Variants in CNTN4 observed in about 807,000 individuals in gnomAD.
The protein encoded by CNTN4 is contactin 4, also known as contactin-4.
In CNTN4, 77 loss-of-function variants were observed where a neutral mutation model predicts 122.5. The observed-to-expected ratio is 0.63, with a 90% CI of 0.52 to 0.76. CNTN4 has a LOEUF of 0.76. CNTN4 is among the 30% of genes least tolerant of loss of function. CNTN4 has a pLI of 0.00. For synonymous variants in CNTN4, 512 were observed against 447.0 expected (o/e 1.15, Z -1.83); for missense variants, 1,256 against 1,259.1 (o/e 1.00, Z 0.04).
At chr3:2,835,717 A>G (rs1002164845) in intron 7 of CNTN4, among the ~76,000 whole-genome samples, 6 of 152,182 alleles carry the variant, frequency 3.9e-5, no homozygotes, top group African/African-American at 1.4e-4. Context: ...AAAAGTGAAA[A>G]AAATGAGAAC....
chr3:2,333,494 A>G (rs1357471904), intron 2 of CNTN4, among the ~76,000 whole-genome samples: 2 of 152,210 alleles, frequency 1.3e-5, no homozygotes, highest in African/African-American at 2.4e-5. Context: ...AGAGATAATC[A>G]TATTCTAGTG....
intron 6 of CNTN4, among the ~76,000 whole-genome samples, chr3:2,815,568 C>G (rs563230659): frequency 2.6e-5 from 4 of 152,104 alleles, no homozygotes; most frequent in Admixed American, 2.6e-4. Flanking sequence ...CAAGAATGGC[C>G]ATAATCAAAA....
At chr3:2,174,196 C>T (rs547536849) in intron 2 of CNTN4, among the ~76,000 whole-genome samples, 73 of 152,100 alleles carry the variant, frequency 4.8e-4, no homozygotes, top group African/African-American at 1.7e-3. Context: ...CTGTCTTTTC[C>T]GTGGAAAAGA....
intron 4 of CNTN4, among the ~76,000 whole-genome samples, chr3:2,575,308 TC>T (rs1219913710): frequency 6.6e-6 from 1 of 151,946 alleles, no homozygotes; most frequent in Non-Finnish European, 1.5e-5. Flanking sequence ...GGCCAGGAGT[TC>T]AACAGCAGTG....
At chr3:3,014,554 T>C (rs1483131481) in intron 14 of CNTN4, among the ~76,000 whole-genome samples, 2 of 152,070 alleles carry the variant, frequency 1.3e-5, no homozygotes, top group Non-Finnish European at 2.9e-5. Context: ...CTAAAAATTC[T>C]TTTCTGGCTC....
chr3:2,782,929 A>T (rs1186463979), intron 6 of CNTN4, among the ~76,000 whole-genome samples: 2 of 152,102 alleles, frequency 1.3e-5, no homozygotes, highest in Admixed American at 6.5e-5. Context: ...CCTGATCCAT[A>T]AATTTACTTA....
chr3:2,910,854 G>C (rs190103056), intron 12 of CNTN4, among the ~76,000 whole-genome samples: 1 of 152,074 alleles, frequency 6.6e-6, no homozygotes, highest in African/African-American at 2.4e-5. Flanking sequence ...GGAAGCCCCA[G>C]ACCCTTTTTC....
At chr3:2,464,868 A>G (rs1180382667) in intron 3 of CNTN4, among the ~76,000 whole-genome samples, 1 of 152,218 alleles carries the variant, frequency 6.6e-6, no homozygotes, top group Non-Finnish European at 1.5e-5. Flanking sequence ...CATGTAGCTC[A>G]TCTGGAAATG....
At chr3:2,470,462 T>C (rs2075647598) in intron 3 of CNTN4, among the ~76,000 whole-genome samples, 1 of 152,204 alleles carries the variant, frequency 6.6e-6, no homozygotes, top group African/African-American at 2.4e-5. Flanking sequence ...TTGTACAACT[T>C]ACTCTTTTTT....
intron 4 of CNTN4, among the ~76,000 whole-genome samples, chr3:2,683,995 C>T (rs944857003): frequency 3.3e-5 from 5 of 152,106 alleles, no homozygotes; most frequent in Non-Finnish European, 7.4e-5. Context: ...GTTTACCTAT[C>T]GTTTAAAGAA....
intron 3 of CNTN4, among the ~76,000 whole-genome samples, chr3:2,495,423 G>A (rs1408952539): frequency 6.6e-6 from 1 of 152,150 alleles, no homozygotes; most frequent in Admixed American, 6.5e-5. Flanking sequence ...ATCCTTGTTG[G>A]ATGAATAAAT....
chr3:2,321,919 A>G (rs1303810849), intron 2 of CNTN4, among the ~76,000 whole-genome samples: 1 of 152,196 alleles, frequency 6.6e-6, no homozygotes, highest in Non-Finnish European at 1.5e-5. Flanking sequence ...TGTGTATTAA[A>G]AACCCACATT....
chr3:2,974,652 T>C (rs1693250835), intron 13 of CNTN4, among the ~76,000 whole-genome samples: 1 of 152,168 alleles, frequency 6.6e-6, no homozygotes. Flanking sequence ...AATGGATGAC[T>C]GTTGGTGATG....
rs764762722 is a variant in CNTN4, at chr3:2,168,593, TATTTA to T, written c.-145+67956_-145+67960del. On this transcript the variant is annotated intron_variant, in intron 2 of 24. Coordinates refer to ENST00000418658, the MANE Select transcript of CNTN4 (RefSeq NM_175607.3). ...AATAAATTAATAAAAAGTGAATAGT[TATTTA>T]AAAGTAGAAATTAATGACTTGTTTA... Among the ~76,000 whole-genome samples, 6 of 152,096 alleles carry T rather than the reference TATTTA, an allele frequency of 3.9e-5. No individual in the cohort carries two copies. In the East Asian group the frequency reaches 1.2e-3, roughly 29 times the overall value.
chr3:2,525,001 T>A (rs1411346597), intron 3 of CNTN4, among the ~76,000 whole-genome samples: 1 of 152,130 alleles, frequency 6.6e-6, no homozygotes, highest in African/African-American at 2.4e-5. Flanking sequence ...GAGCTTGTAT[T>A]TTCTCATCCC....
intron 3 of CNTN4, among the ~76,000 whole-genome samples, chr3:2,538,384 C>G (rs1335778306): frequency 6.6e-6 from 1 of 152,094 alleles, no homozygotes. Context: ...TGGGATTAAT[C>G]CCTTTCCCCA....
intron 2 of CNTN4, among the ~76,000 whole-genome samples, chr3:2,224,169 A>C (rs909599756): frequency 6.6e-6 from 1 of 152,222 alleles, no homozygotes; most frequent in African/African-American, 2.4e-5. Flanking sequence ...GCAGTTTCTT[A>C]GAATTACCAG....
intron 3 of CNTN4, among the ~76,000 whole-genome samples, chr3:2,516,990 T>G (rs957638258): frequency 2.0e-5 from 3 of 152,124 alleles, no homozygotes; most frequent in African/African-American, 7.2e-5. Context: ...GTATTGTGGT[T>G]GGAAGAGATG....
intron 7 of CNTN4, among the ~76,000 whole-genome samples, chr3:2,864,273 T>C (rs1014179997): frequency 2.0e-5 from 3 of 152,292 alleles, no homozygotes; most frequent in African/African-American, 7.2e-5. Context: ...ATTTGAACTT[T>C]AGTCTTACTT....
Sources: gnomAD v4.1 joint callset for allele counts (sites outside exome capture counted in the v4.1 genomes callset) on GRCh38, gnomAD v4.1.1 for gene constraint, MANE v1.5 for transcripts, NCBI Gene and HGNC (gene_info 2026-07-23, HGNC 2026-07-21) for gene names.